USP35: variants seen among roughly 807,000 people sequenced by gnomAD.
USP35 encodes ubiquitin carboxyl-terminal hydrolase 35.
In USP35, 69 loss-of-function variants were observed where a neutral mutation model predicts 83.8. The ratio of observed to expected loss-of-function variants is 0.82; its 90% CI spans 0.68 to 1.01. USP35 has a LOEUF of 1.01. Ranked by LOEUF, USP35 falls within the 50% of genes least tolerant of loss-of-function variation. The pLI is 0.00. For missense variants in USP35, 1,503 were observed against 1,362.5 expected, an observed-to-expected ratio of 1.10 and a Z score of -1.62; for synonymous variants, 714 against 589.5, an observed-to-expected ratio of 1.21 and a Z score of -3.06.
chr11:78,224,769 C>T, the USP35 span, among the ~76,000 whole-genome samples: 1 of 152,092 alleles, frequency 6.6e-6, no homozygotes, highest in African/African-American at 2.4e-5. Context: ...ACTGCAGCCT[C>T]CCTCCTGCAT....
chr11:78,189,811 T>G (rs1862947161), intron 1 of USP35, among the ~76,000 whole-genome samples: 1 of 152,236 alleles, frequency 6.6e-6, no homozygotes, highest in Admixed American at 6.5e-5. Flanking sequence ...TTTTTACCAG[T>G]GAAACCCTTT....
chr11:78,210,634 C>G lies in USP35; in HGVS notation c.2779C>G (p.Pro927Ala). Reference sequence around the variant, plus strand: ...CTATGTGCTGTTTTACCGGCAGCGGCCCAGGGAGGGGCCCGAGGCTGAGTT... The same window carrying G: ...CTATGTGCTGTTTTACCGGCAGCGGGCCAGGGAGGGGCCCGAGGCTGAGTT... ...TAYVLFYRQR[P>A]REGPEAELGS... Residue 927 changes from proline (P) to alanine (A), a missense_variant, in exon 10 of 11, where the codon CCC (proline) becomes GCC (alanine). Physicochemically the swap from Pro to Ala is conservative, Grantham distance 27 (BLOSUM62 -1). Transcript: ENST00000529308. 6.2e-7 allele frequency: 1 copy of G among 1,614,148 alleles called. No individual in the cohort carries two copies. The highest frequency in any genetic ancestry group is 8.5e-7 in the Non-Finnish European group (1 of 1,179,990).
intron 3 of USP35, 38 bp from the exon 4 acceptor site, chr11:78,199,557 G>A (rs772938865): frequency 1.2e-6 from 2 of 1,613,480 alleles, no homozygotes; most frequent in African/African-American, 1.3e-5. Flanking sequence ...CATTTTGGGT[G>A]TCCCTTGTCC....
At chr11:78,228,906 CT>C in the USP35 span, among the ~76,000 whole-genome samples, 2 of 152,062 alleles carry the variant, frequency 1.3e-5, no homozygotes, top group Admixed American at 6.6e-5. Flanking sequence ...TTTCATTTTG[CT>C]TTTTTTGGAA....
At chr11:78,226,611 C>CGGGGGGGGGGGG in the USP35 span, 1 of 282,918 alleles carries the variant, frequency 3.5e-6, no homozygotes, top group Non-Finnish European at 6.3e-6. Context: ...CTTGGGGGGG[C>CGGGGGGGGGGGG]GGGGTGGGGG....
the USP35 span, among the ~76,000 whole-genome samples, chr11:78,230,831 A>G: frequency 6.6e-6 from 1 of 152,238 alleles, no homozygotes; most frequent in Non-Finnish European, 1.5e-5. Context: ...CCTTTGGGCA[A>G]TAATCTAGAT....
At chr11:78,227,646 A>AAAAAAAAAAAAAC in the USP35 span, among the ~76,000 whole-genome samples, 26 of 151,608 alleles carry the variant, frequency 1.7e-4, no homozygotes, top group Admixed American at 4.6e-4. Context: ...AAAAAAAAAA[A>AAAAAAAAAAAAAC]AGAACTAGCT....
At chr11:78,197,230 G>A (rs1465534397) in intron 2 of USP35, among the ~76,000 whole-genome samples, 2 of 142,502 alleles carry the variant, frequency 1.4e-5, no homozygotes, top group African/African-American at 2.6e-5. Flanking sequence ...GATTTGGGGC[G>A]GGGGAGGTGG....
intron 1 of USP35, among the ~76,000 whole-genome samples, chr11:78,189,650 C>G (rs1862940788): frequency 6.6e-6 from 1 of 152,170 alleles, no homozygotes; most frequent in Non-Finnish European, 1.5e-5. Context: ...GCCCTTCCTT[C>G]CAGAAAGCTT....
At position 78,214,662 on chromosome 11, in the gene USP35, C is replaced by G. The variant is rs1055250; in HGVS notation, c.*849C>G. ...CCCCCTTCTAACTTCTAACCGAAGA[C>G]AAGACAGACACCCATGTTCATAAAT... On this transcript the variant is annotated 3_prime_UTR_variant, in exon 11 of 11. Transcript: ENST00000529308. 36,631 of 151,140 alleles carry G rather than the reference C, an allele frequency of 0.24. 5,212 individuals are homozygous for G. Among genetic ancestry groups the G allele is most frequent in the East Asian group, 0.4 (2,072 of 5,170 alleles). 9.4% of individuals were successfully genotyped at this position (151,140 alleles called of 1,614,324 possible).
intron 6 of USP35, 59 bp from the exon 7 acceptor site, chr11:78,205,779 TGGTA>T: frequency 6.5e-7 from 1 of 1,535,356 alleles, no homozygotes; most frequent in East Asian, 2.3e-5. Flanking sequence ...CCAGAAGAGG[TGGTA>T]GTTTTTTGAG....
intron 6 of USP35, among the ~76,000 whole-genome samples, chr11:78,204,080 C>T (rs970591676): frequency 6.7e-6 from 1 of 149,866 alleles, no homozygotes; most frequent in Admixed American, 6.6e-5. Flanking sequence ...TTAGTAGAGA[C>T]GGGGTTTCAC....
rs752763223 is a variant in USP35 at position 78,196,415 on chromosome 11, C to T, written c.170C>T (p.Pro57Leu). Residue 57 changes from proline to leucine, a missense_variant, in exon 2 of 11, where the codon CCG becomes CTG. Transcript: ENST00000529308. The surrounding 1 kb of genome is among the most constrained non-coding windows in gnomAD (Gnocchi z 4.8). ...RLYVGGAEEL[P>L]RRVGCQLLHV... ...TACGTGGGCGGCGCGGAGGAGCTGCCGCGCCGCGTGGGCTGCCAGCTGCTG... is the reference window on the plus strand; with the variant it reads ...TACGTGGGCGGCGCGGAGGAGCTGCTGCGCCGCGTGGGCTGCCAGCTGCTG... 6 of 1,303,182 alleles carry T rather than the reference C, an allele frequency of 4.6e-6. No homozygotes were observed. The highest frequency in any genetic ancestry group is 4.0e-5 in the South Asian group (2 of 50,558). The allele number at this position is 1,303,182 out of a possible 1,614,324, so 80.7% of individuals were successfully genotyped here. A position where few individuals can be genotyped will look rare whatever the true frequency, so the allele number is the denominator to read the frequency against.
rs1863933176 is a variant in USP35, at chr11:78,213,963, C to T, written c.*150C>T. On this transcript the variant is annotated 3_prime_UTR_variant, in exon 11 of 11. Coordinates refer to ENST00000529308, the MANE Select transcript of USP35 (RefSeq NM_020798.4). ...GATGAAGGGTACACAGAGATTCTCT[C>T]AGATATGGAAGTAAGACCTAAGTCC... 1.2e-6 allele frequency: 1 copy of T among 849,488 alleles called. No homozygotes were observed. The highest frequency in any genetic ancestry group is 1.7e-6 in the Non-Finnish European group (1 of 601,538). 52.6% of individuals were successfully genotyped at this position (849,488 alleles called of 1,614,324 possible). A position where few individuals can be genotyped will look rare whatever the true frequency, so the allele number is the denominator to read the frequency against.
chr11:78,223,747 G>C, the USP35 span: 3 of 1,300,128 alleles, frequency 2.3e-6, no homozygotes, highest in Non-Finnish European at 3.2e-6. Context: ...GTAAGACTTT[G>C]TAAATGAGGC....
chr11:78,230,706 G>T, the USP35 span, among the ~76,000 whole-genome samples: 7 of 152,238 alleles, frequency 4.6e-5, no homozygotes, highest in African/African-American at 1.7e-4. Context: ...AACCAAGTAA[G>T]AGGAGTTGAA....
Position 78,214,520 on chromosome 11 carries a change from T to C in USP35, c.*707T>C, listed in dbSNP as rs1371236907. ...CCTGATTTTACTGCAAAGGTGTTCA[T>C]GTTCCTTGTGAAGTGTGGGCTCTTA... On this transcript the variant is annotated 3_prime_UTR_variant, in exon 11 of 11. Transcript: ENST00000529308. The C allele has an allele frequency of 6.6e-6, 1 of 152,194 alleles. No homozygotes were observed. The highest frequency in any genetic ancestry group is 1.5e-5 in the Non-Finnish European group (1 of 68,086). 9.4% of individuals were successfully genotyped at this position (152,194 alleles called of 1,614,324 possible).
the USP35 span, chr11:78,226,341 G>T: frequency 1.3e-6 from 1 of 751,618 alleles, no homozygotes; most frequent in South Asian, 1.6e-5. Context: ...ATGTTTTTGA[G>T]TATCAGTGAC....
the USP35 span, chr11:78,222,235 G>A: frequency 7.7e-7 from 1 of 1,304,024 alleles, no homozygotes; most frequent in Admixed American, 1.7e-5. Context: ...AGCCAGTAAT[G>A]ATAATGCTAC....
Sources: gnomAD v4.1 joint callset for allele counts (sites outside exome capture counted in the v4.1 genomes callset) on GRCh38, gnomAD v4.1.1 for gene constraint, Gnocchi (gnomAD v3.1) non-coding constraint, MANE v1.5 for transcripts, NCBI Gene and HGNC (gene_info 2026-07-23, HGNC 2026-07-21) for gene names.